OSBPL5: variants seen among roughly 807,000 people sequenced by gnomAD.
OSBPL5 encodes oxysterol binding protein like 5.
Under a neutral mutation model 111.2 loss-of-function variants are expected in OSBPL5, and 71 were observed. The observed-to-expected ratio is 0.64, with a 90% CI of 0.53 to 0.78. The LOEUF is 0.78. Ranked by LOEUF, OSBPL5 falls within the 30% of genes least tolerant of loss-of-function variation. OSBPL5 has a pLI of 0.00. For missense variants in OSBPL5, 1,210 were observed against 1,189.3 expected, an observed-to-expected ratio of 1.02 and a Z score of -0.26; for synonymous variants, 549 against 513.9, an observed-to-expected ratio of 1.07 and a Z score of -0.93.
chr11:3,159,965 G>C (rs1846903824), intron 1 of OSBPL5, among the ~76,000 whole-genome samples: 3 of 152,074 alleles, frequency 2.0e-5, no homozygotes, highest in South Asian at 2.1e-4. Context: ...CGTCTTCCTC[G>C]GCTAGGCCTT....
chr11:3,136,640 GCT>G (rs1284297244), intron 1 of OSBPL5, among the ~76,000 whole-genome samples: 1 of 152,250 alleles, frequency 6.6e-6, no homozygotes, highest in African/African-American at 2.4e-5. Flanking sequence ...ATCAGGACTT[GCT>G]CTGAGTCAGG....
chr11:3,123,525 C>T (rs1000273262), intron 3 of OSBPL5, among the ~76,000 whole-genome samples: 9 of 152,230 alleles, frequency 5.9e-5, no homozygotes, highest in South Asian at 2.1e-4. Flanking sequence ...GAGCCTGCGC[C>T]GCGGCGGGGC....
At position 3,130,723 on chromosome 11, in the gene OSBPL5, G is replaced by C. The variant is rs1286869979; in HGVS notation, c.-21-1554C>G. Among the ~76,000 whole-genome samples the C allele has an allele frequency of 6.6e-6, 1 of 152,214 alleles. No individual in the cohort carries two copies. ...TGCCGTCCTTAAGCCAGGTGGAACC[G>C]ATCCTAAAACCCAGCCGCTGAGTGT... On this transcript the variant is annotated intron_variant, in intron 1 of 21. Transcript: ENST00000263650. The surrounding 1 kb of genome is among the most constrained non-coding windows in gnomAD (Gnocchi z 4.5).
intron 14 of OSBPL5, 89 bp downstream of exon 14, chr11:3,100,069 C>A: frequency 9.2e-7 from 1 of 1,087,324 alleles, no homozygotes; most frequent in Non-Finnish European, 1.4e-6. Flanking sequence ...AGTAAAGATA[C>A]CTTCAAGCAA....
At chr11:3,090,524 CAG>C in intron 20 of OSBPL5, 32 bp downstream of exon 20, 3 of 1,601,930 alleles carry the variant, frequency 1.9e-6, no homozygotes, top group Non-Finnish European at 2.6e-6. Flanking sequence ...CCCCACCAGA[CAG>C]AGGCCTTGGG....
Position 3,154,192 on chromosome 11 carries a change from G to A in OSBPL5, c.-22+11024C>T, listed in dbSNP as rs897732013. On this transcript the variant is annotated intron_variant, in intron 1 of 21. Transcript: ENST00000263650. This position sits in a 1 kb window ranked among gnomAD's most constrained non-coding sequence, Gnocchi z 4.9. ...CTGGGCCAGAGGGCAAAGGTGAAGG[G>A]GCGGCTGACACACTCCAGCCCACAG... Among the ~76,000 whole-genome samples, 7 of 152,246 alleles carry A rather than the reference G, an allele frequency of 4.6e-5. No homozygotes were observed. Among genetic ancestry groups the A allele is most frequent in the African/African-American group, 1.7e-4 (7 of 41,470 alleles).
At chr11:3,103,888 A>C (rs77114288) in intron 10 of OSBPL5, among the ~76,000 whole-genome samples, 67,330 of 100,846 alleles carry the variant, frequency 0.67, 19,245 homozygotes, top group East Asian at 0.82. Context: ...CTGTAGCCCC[A>C]TTCCTGCCTC....
At chr11:3,157,598 G>A (rs79292975) in intron 1 of OSBPL5, among the ~76,000 whole-genome samples, 23,360 of 152,192 alleles carry the variant, frequency 0.15, 1,890 homozygotes, top group African/African-American at 0.19. Context: ...GCAGGTGGGC[G>A]CCACAAGGCC....
At chr11:3,158,711 G>A (rs1034737251) in intron 1 of OSBPL5, among the ~76,000 whole-genome samples, 1 of 152,242 alleles carries the variant, frequency 6.6e-6, no homozygotes, top group Non-Finnish European at 1.5e-5. Context: ...GGACGAGAAA[G>A]ATTTCCAATC....
intron 3 of OSBPL5, among the ~76,000 whole-genome samples, chr11:3,125,874 C>T (rs1003522648): frequency 2.0e-5 from 3 of 151,312 alleles, no homozygotes; most frequent in African/African-American, 4.9e-5. Context: ...CCCAGCTCCT[C>T]GGGAGGCTGA....
At position 3,122,058 on chromosome 11, in the gene OSBPL5, G is replaced by A; in HGVS notation, c.341C>T (p.Thr114Ile). 2 of 1,581,560 alleles carry A rather than the reference G, an allele frequency of 1.3e-6. No individual in the cohort carries two copies. Among genetic ancestry groups the A allele is most frequent in the South Asian group, 1.1e-5 (1 of 87,794 alleles). The change falls in exon 5 of 22, where the codon ACA (threonine) becomes ATA (isoleucine). Residue 114 changes from threonine (T) to isoleucine (I), a missense_variant. Thr to Ile is a moderately conservative substitution (Grantham distance 89). Coordinates refer to ENST00000263650, the MANE Select transcript of OSBPL5 (RefSeq NM_020896.4). ...TGTCAGAGCGCTGAGCAGCTGCCGT[G>A]TGGCGCGCTTCTTCTCCTGCCGGTA... Reference protein sequence around the residue: ...ENYRQEKKRATRQLLSALTDP... With the variant: ...ENYRQEKKRAIRQLLSALTDP...
rs564829312 is a variant in OSBPL5 at position 3,158,587 on chromosome 11, G to A, written c.-22+6629C>T. The stretch of plus-strand genomic sequence containing the variant: ...CCCCACGTGCAGAAGCTAGACTCAC[G>A]GAGCATCAGTGACACATGAGACCTC... On this transcript the variant is annotated intron_variant, in intron 1 of 21. Transcript: ENST00000263650. Among the ~76,000 whole-genome samples the A allele has an allele frequency of 1.2e-4, 18 of 152,352 alleles. 1 individual carries two copies. The highest frequency in any genetic ancestry group is 3.8e-4 in the African/African-American group (16 of 41,588).
Position 3,107,217 on chromosome 11 carries a change from C to T in OSBPL5, c.1059+46G>A, listed in dbSNP as rs1857729566. On this transcript the variant is annotated intron_variant, in intron 9 of 21. Transcript: ENST00000263650. The surrounding 1 kb of genome is among the most constrained non-coding windows in gnomAD (Gnocchi z 6.1). Reference sequence around the variant, plus strand: ...CTACCTCTGCTTCCGGAACAAGGGGCCGAGGCAGGGGAGACGCTTGGGGCT... The same window carrying T: ...CTACCTCTGCTTCCGGAACAAGGGGTCGAGGCAGGGGAGACGCTTGGGGCT... 2 of 1,583,368 alleles carry T rather than the reference C, an allele frequency of 1.3e-6. No individual in the cohort carries two copies.
chr11:3,101,803 C>T, intron 12 of OSBPL5, 104 bp from the exon 13 acceptor site: 1 of 911,538 alleles, frequency 1.1e-6, no homozygotes, highest in Non-Finnish European at 1.7e-6. Flanking sequence ...CCTGACGCCA[C>T]ATCTTCTCCC....
intron 20 of OSBPL5, among the ~76,000 whole-genome samples, chr11:3,090,342 C>T (rs1857013417): frequency 6.6e-6 from 1 of 152,194 alleles, no homozygotes; most frequent in African/African-American, 2.4e-5. Context: ...CCCTTTCTTC[C>T]CCACCCCCAC....
rs556358821 is a variant in OSBPL5, at chr11:3,109,050, G to A, written c.692-1105C>T. Among the ~76,000 whole-genome samples the A allele has an allele frequency of 1.3e-5, 2 of 152,104 alleles. No individual in the cohort carries two copies. The highest frequency in any genetic ancestry group is 2.1e-4 in the South Asian group (1 of 4,808). ...CCCAAAGTGCTGGGATTACAGGTGT[G>A]AGCCACCACACCGGGTCAATAAGTG... is the stretch of plus-strand genomic sequence containing the variant. On this transcript the variant is annotated intron_variant, in intron 7 of 21. Transcript: ENST00000263650. The surrounding 1 kb of genome is among the most constrained non-coding windows in gnomAD (Gnocchi z 7.4).
At chr11:3,108,709 C>T (rs1857799550) in intron 7 of OSBPL5, among the ~76,000 whole-genome samples, 1 of 152,214 alleles carries the variant, frequency 6.6e-6, no homozygotes, top group South Asian at 2.1e-4. Flanking sequence ...ATAACAGCGG[C>T]CCCCGCACTC....
chr11:3,093,684 G>T, intron 16 of OSBPL5, 21 bp from the exon 17 acceptor site: 1 of 1,613,162 alleles, frequency 6.2e-7, no homozygotes, highest in Non-Finnish European at 8.5e-7. Flanking sequence ...TGGCCAGCGG[G>T]GTCAGAGGCT....
At chr11:3,119,398 G>A (rs911947051) in intron 7 of OSBPL5, 149 bp downstream of exon 7, 25 of 716,246 alleles carry the variant, frequency 3.5e-5, no homozygotes, top group South Asian at 1.4e-4. Context: ...GCCTGACTCC[G>A]AGCCGGGCTC....
Sources: allele counts gnomAD v4.1 joint callset (sites outside exome capture counted in the v4.1 genomes callset), GRCh38; gene constraint gnomAD v4.1.1; non-coding constraint Gnocchi (gnomAD v3.1); transcripts MANE v1.5; gene names NCBI Gene and HGNC (gene_info 2026-07-23, HGNC 2026-07-21).